The following TAFA1 variants were observed in gnomAD, a reference collection of about 807,000 sequenced individuals.
The protein encoded by TAFA1 is chemokine-like protein TAFA-1.
A neutral mutation model predicts 18.5 loss-of-function variants in TAFA1; 4 were observed. The ratio of observed to expected loss-of-function variants is 0.22; its 90% CI spans 0.11 to 0.49. TAFA1 has a LOEUF of 0.49. Among genes scored for constraint, TAFA1 ranks in the 20% least tolerant of loss-of-function variants. The probability of loss-of-function intolerance (pLI) is 0.98; values close to 1 mark genes in which losing one functional copy is unlikely to be tolerated. For missense variants in TAFA1, 147 were observed against 169.0 expected (o/e 0.87, Z 0.72); for synonymous variants, 56 against 55.2 (o/e 1.01, Z -0.06).
At chr3:68,334,593 G>A (rs932531754) in intron 2 of TAFA1, among the ~76,000 whole-genome samples, 7 of 152,122 alleles carry the variant, frequency 4.6e-5, no homozygotes, top group Non-Finnish European at 1.0e-4. Context: ...TCTGAGGCAT[G>A]CCCTAAGATT....
At chr3:68,467,565 T>C (rs2071912866) in intron 3 of TAFA1, among the ~76,000 whole-genome samples, 2 of 152,182 alleles carry the variant, frequency 1.3e-5, no homozygotes, top group Non-Finnish European at 1.5e-5. Flanking sequence ...TGGACTCGAC[T>C]TCAAATGTAG....
chr3:68,295,659 T>G (rs189764942), intron 2 of TAFA1, among the ~76,000 whole-genome samples: 1 of 152,168 alleles, frequency 6.6e-6, no homozygotes, highest in Admixed American at 6.5e-5. Context: ...CAGGCTGGAG[T>G]ACAGTGATGT....
At chr3:68,505,707 A>G (rs978588581) in intron 3 of TAFA1, among the ~76,000 whole-genome samples, 1 of 152,020 alleles carries the variant, frequency 6.6e-6, no homozygotes, top group East Asian at 1.9e-4. Context: ...CCTGCTCAAC[A>G]TCCTAGAAGC....
intron 2 of TAFA1, among the ~76,000 whole-genome samples, chr3:68,227,312 T>A (rs2066814386): frequency 6.6e-6 from 1 of 152,216 alleles, no homozygotes; most frequent in South Asian, 2.1e-4. Context: ...TTAGATAATC[T>A]CAGAGTACAT....
At chr3:68,287,373 T>G (rs1163450033) in intron 2 of TAFA1, among the ~76,000 whole-genome samples, 1 of 152,238 alleles carries the variant, frequency 6.6e-6, no homozygotes, top group Non-Finnish European at 1.5e-5. Flanking sequence ...TCAGCTGTTC[T>G]GCTCTGACCT....
chr3:68,242,046 C>T (rs2067006869), intron 2 of TAFA1, among the ~76,000 whole-genome samples: 1 of 152,144 alleles, frequency 6.6e-6, no homozygotes, highest in Admixed American at 6.6e-5. Context: ...CAACACCTTG[C>T]CCTGCCTAAG....
chr3:68,008,731 T>C (rs556446481), intron 2 of TAFA1, among the ~76,000 whole-genome samples: 3 of 152,230 alleles, frequency 2.0e-5, no homozygotes, highest in East Asian at 3.9e-4. Context: ...ATTATGTCAA[T>C]ACTTGGTCCA....
intron 2 of TAFA1, among the ~76,000 whole-genome samples, chr3:68,170,134 A>G (rs930414701): frequency 1.3e-5 from 2 of 152,196 alleles, no homozygotes; most frequent in African/African-American, 4.8e-5. Context: ...ATGGAATTTT[A>G]GTGTGCCTTA....
intron 2 of TAFA1, among the ~76,000 whole-genome samples, chr3:68,241,924 T>C (rs565906046): frequency 6.6e-6 from 1 of 152,322 alleles, no homozygotes; most frequent in East Asian, 1.9e-4. Flanking sequence ...CTTGAAGTTT[T>C]GCAAATTATC....
At chr3:68,156,212 G>A (rs2065864846) in intron 2 of TAFA1, among the ~76,000 whole-genome samples, 1 of 152,168 alleles carries the variant, frequency 6.6e-6, no homozygotes, top group South Asian at 2.1e-4. Context: ...ATAAGGTCTG[G>A]AGAAAGGGAC....
intron 2 of TAFA1, among the ~76,000 whole-genome samples, chr3:68,179,138 A>G (rs938553354): frequency 6.6e-6 from 1 of 152,194 alleles, no homozygotes; most frequent in Non-Finnish European, 1.5e-5. Flanking sequence ...ACACATCATC[A>G]TTCATAATTT....
chr3:68,068,041 G>A (rs1240979443), intron 2 of TAFA1, among the ~76,000 whole-genome samples: 1 of 152,158 alleles, frequency 6.6e-6, no homozygotes, highest in Admixed American at 6.5e-5. Context: ...CATCCTTGCA[G>A]TTCTTCACAT....
chr3:68,274,103 G>A (rs771145677), intron 2 of TAFA1, among the ~76,000 whole-genome samples: 2 of 152,154 alleles, frequency 1.3e-5, no homozygotes, highest in Non-Finnish European at 2.9e-5. Context: ...GGCTGGCCTT[G>A]AAATGGCATT....
chr3:68,213,601 G>A (rs539685392), intron 2 of TAFA1, among the ~76,000 whole-genome samples: 18 of 152,156 alleles, frequency 1.2e-4, no homozygotes, highest in South Asian at 8.3e-4. Flanking sequence ...TTAGATCTTC[G>A]GAGAAATGTC....
intron 2 of TAFA1, among the ~76,000 whole-genome samples, chr3:68,262,349 A>ATATATTTT (rs55652619): frequency 1.3e-5 from 1 of 78,730 alleles, no homozygotes; most frequent in Non-Finnish European, 2.4e-5. Context: ...ATATATATAT[A>ATATATTTT]TATATATATT....
chr3:68,306,840 C>G (rs1415077990), intron 2 of TAFA1, among the ~76,000 whole-genome samples: 2 of 152,168 alleles, frequency 1.3e-5, no homozygotes, highest in African/African-American at 4.8e-5. Context: ...AGCCTCATAC[C>G]ATGTTTCCCC....
intron 2 of TAFA1, among the ~76,000 whole-genome samples, chr3:68,260,333 G>A (rs948955869): frequency 6.6e-5 from 10 of 151,932 alleles, no homozygotes; most frequent in Non-Finnish European, 1.0e-4. Context: ...TGCTGAATTT[G>A]GTTTGCCAGT....
At chr3:68,372,688 A>G (rs143451423) in intron 2 of TAFA1, among the ~76,000 whole-genome samples, 70 of 152,314 alleles carry the variant, frequency 4.6e-4, no homozygotes, top group African/African-American at 1.6e-3. Flanking sequence ...GAAAAACACA[A>G]TTTGGGAAAT....
At chr3:68,320,305 G>T (rs2068679504) in intron 2 of TAFA1, among the ~76,000 whole-genome samples, 1 of 152,276 alleles carries the variant, frequency 6.6e-6, no homozygotes, top group South Asian at 2.1e-4. Flanking sequence ...GCAGGGGTGT[G>T]TTCTGAGTCT....
Sources: allele counts gnomAD v4.1 joint callset (sites outside exome capture counted in the v4.1 genomes callset), GRCh38; gene constraint gnomAD v4.1.1; transcripts MANE v1.5; gene names NCBI Gene and HGNC (gene_info 2026-07-23, HGNC 2026-07-21).